TEX52: variants seen among roughly 807,000 people sequenced by gnomAD.
The protein encoded by TEX52 is testis expressed 52, also known as testis-expressed protein 52.
Under a neutral mutation model 17.6 loss-of-function variants are expected in TEX52, and 22 were observed. The ratio of observed to expected loss-of-function variants is 1.25; its 90% confidence interval spans 0.89 to 1.78. The LOEUF (loss-of-function observed/expected upper bound fraction) is 1.78, where lower values mean the gene tolerates loss of function less well. Ranked by LOEUF, TEX52 falls within the 40% of genes most tolerant of loss-of-function variation. TEX52 has a pLI of 0.00. For synonymous variants in TEX52, 168 were observed against 147.4 expected (o/e 1.14, Z -1.01); for missense variants, 396 against 372.3 (o/e 1.06, Z -0.52).
intron 1 of TEX52, 141 bp downstream of exon 1, chr12:2,856,812 CAT>C (rs1278277215): frequency 1.6e-6 from 1 of 635,074 alleles, no homozygotes; most frequent in Non-Finnish European, 2.8e-6. Flanking sequence ...TTCCTAGTGT[CAT>C]AGGATGAAAA....
intron 2 of TEX52, among the ~76,000 whole-genome samples, chr12:2,854,602 C>T (rs1363242641): frequency 1.3e-5 from 2 of 152,176 alleles, no homozygotes; most frequent in African/African-American, 4.8e-5. Flanking sequence ...TGATAGCTAT[C>T]TTTGCAAAGC....
At chr12:2,852,977 G>A (rs2098075805) in intron 2 of TEX52, among the ~76,000 whole-genome samples, 1 of 151,652 alleles carries the variant, frequency 6.6e-6, no homozygotes, top group African/African-American at 2.4e-5. Context: ...TCTAGCATGG[G>A]CAACAGAGGA....
chr12:2,849,675 C>A, intron 2 of TEX52, 150 bp from the exon 3 acceptor site: 2 of 871,130 alleles, frequency 2.3e-6, no homozygotes, highest in Non-Finnish European at 3.5e-6. Context: ...TCCACCTAAT[C>A]GGATATTGAC....
intron 2 of TEX52, among the ~76,000 whole-genome samples, chr12:2,853,782 C>T (rs1465105312): frequency 1.3e-5 from 2 of 152,076 alleles, no homozygotes; most frequent in Non-Finnish European, 2.9e-5. Flanking sequence ...TCCGTGAGTT[C>T]CCAGGGTGGC....
At chr12:2,856,859 T>C (rs1019974501) in intron 1 of TEX52, 96 bp downstream of exon 1, 2 of 689,014 alleles carry the variant, frequency 2.9e-6, no homozygotes, top group Non-Finnish European at 5.3e-6. Flanking sequence ...GGCCAGGCAG[T>C]CTGCTGCCCA....
downstream of TEX52, among the ~76,000 whole-genome samples, chr12:2,848,866 G>GACACACACGC (rs1565446522): frequency 4.3e-5 from 5 of 115,874 alleles, no homozygotes; most frequent in African/African-American, 1.7e-4. Flanking sequence ...CACCCCAACA[G>GACACACACGC]ACACACACAC....
At chr12:2,856,614 C>T (rs928692091) in intron 1 of TEX52, among the ~76,000 whole-genome samples, 1 of 152,182 alleles carries the variant, frequency 6.6e-6, no homozygotes, top group Non-Finnish European at 1.5e-5. Context: ...CCGTTCCCCT[C>T]GACCTCCCGA....
rs529192168 is a variant in TEX52, at chr12:2,850,387, T to C, written c.624-862A>G. ...TACTCGGGAGGCTGAGGCAGGAGAATCACTTGAACCCGGGAGGAGGAGGTT... is the reference window on the plus strand; with the variant it reads ...TACTCGGGAGGCTGAGGCAGGAGAACCACTTGAACCCGGGAGGAGGAGGTT... On this transcript the variant is annotated intron_variant, in intron 2 of 2. Transcript: ENST00000637658. 2.0e-5 allele frequency among the ~76,000 whole-genome samples: 3 copies of C among 146,938 alleles called. No individual in the cohort carries two copies. In the East Asian group the frequency reaches 6.2e-4, roughly 30 times the overall value.
Position 2,855,545 on chromosome 12 carries a change from C to A in TEX52, c.73-99G>T, listed in dbSNP as rs897890825. The A allele has an allele frequency of 5.4e-6, 5 of 933,396 alleles. No homozygotes were observed. The Admixed American group carries it at 1.7e-4, about 31-fold the overall frequency. 57.8% of individuals were successfully genotyped at this position (933,396 alleles called of 1,614,324 possible). A position where few individuals can be genotyped will look rare whatever the true frequency, so the allele number is the denominator to read the frequency against. On this transcript the variant is annotated intron_variant, in intron 1 of 2. Coordinates refer to ENST00000637658, the MANE Select transcript of TEX52 (RefSeq NM_001365174.2). ...CTCTCCTTCCCAGGCACGACCTCTG[C>A]CAGCCCAGGATTCTCATGAGGACGC...
chr12:2,854,733 T>C (rs1039802715), intron 2 of TEX52, among the ~76,000 whole-genome samples, 163 bp downstream of exon 2: 6 of 152,102 alleles, frequency 3.9e-5, no homozygotes, highest in African/African-American at 1.4e-4. Context: ...GTTCCTCCCT[T>C]GTCTCCACCT....
At chr12:2,853,684 G>A (rs1012286998) in intron 2 of TEX52, among the ~76,000 whole-genome samples, 3 of 151,524 alleles carry the variant, frequency 2.0e-5, no homozygotes, top group Admixed American at 6.6e-5. Flanking sequence ...CCTTGGGATT[G>A]GAATTTGAGA....
At chr12:2,852,683 G>T (rs910614736) in intron 2 of TEX52, among the ~76,000 whole-genome samples, 3 of 152,074 alleles carry the variant, frequency 2.0e-5, no homozygotes, top group African/African-American at 7.2e-5. Context: ...TACTTGACCT[G>T]TCCAGCTCAG....
At position 2,855,373 on chromosome 12, in the gene TEX52, G is replaced by A; in HGVS notation, c.146C>T (p.Ser49Phe). Residue 49 changes from serine (S) to phenylalanine (F), a missense_variant, in exon 2 of 3, where the codon TCC becomes TTC. Transcript: ENST00000637658. ...CCGGGTGAAGCCAGGGAACTCCCAG[G>A]ACTCGCTGGGGAGGAAGAACTCACG... is the stretch of plus-strand genomic sequence containing the variant. ...AQREFFLPSE[S>F]WEFPGFTRQA... 4 of 1,278,868 alleles carry A rather than the reference G, an allele frequency of 3.1e-6. No individual in the cohort carries two copies. The highest frequency in any genetic ancestry group is 4.1e-6 in the Non-Finnish European group (4 of 984,046). The allele number at this position is 1,278,868 out of a possible 1,614,324, so 79.2% of individuals were successfully genotyped here. A position where few individuals can be genotyped will look rare whatever the true frequency, so the allele number is the denominator to read the frequency against.
At chr12:2,856,287 T>A (rs1457919644) in intron 1 of TEX52, among the ~76,000 whole-genome samples, 5 of 152,210 alleles carry the variant, frequency 3.3e-5, no homozygotes, top group African/African-American at 1.2e-4. Context: ...TGAAATGAAA[T>A]GGCCTTACTT....
At position 2,849,144 on chromosome 12, in the gene TEX52, C is replaced by G; in HGVS notation, c.*87G>C. 1 of 1,387,712 alleles carries G rather than the reference C, an allele frequency of 7.2e-7. No homozygotes were observed. Among genetic ancestry groups the G allele is most frequent in the East Asian group, 2.5e-5 (1 of 40,002 alleles). The allele number at this position is 1,387,712 out of a possible 1,614,324, so 86.0% of individuals were successfully genotyped here. ...GCAGAAGCCAGAGTCCTTTTGCTACCCCAGGGCCTCTTGCTGAAGGAGCAT... is the reference window on the plus strand; with the variant it reads ...GCAGAAGCCAGAGTCCTTTTGCTACGCCAGGGCCTCTTGCTGAAGGAGCAT... On this transcript the variant is annotated 3_prime_UTR_variant, in exon 3 of 3. Transcript: ENST00000637658.
At chr12:2,856,844 G>T in intron 1 of TEX52, 111 bp downstream of exon 1, 1 of 672,368 alleles carries the variant, frequency 1.5e-6, no homozygotes. Context: ...AGCAGAAAAT[G>T]TATGGGCCAG....
At chr12:2,855,589 G>C in intron 1 of TEX52, 143 bp from the exon 2 acceptor site, 1 of 553,460 alleles carries the variant, frequency 1.8e-6, no homozygotes, top group East Asian at 3.2e-5. Context: ...TGGCAGGGCC[G>C]CATCTCCATC....
At chr12:2,851,618 C>T (rs1459931152) in intron 2 of TEX52, among the ~76,000 whole-genome samples, 1 of 152,164 alleles carries the variant, frequency 6.6e-6, no homozygotes, top group East Asian at 1.9e-4. Flanking sequence ...GTTGGGATTA[C>T]AGGCGTGAGC....
Position 2,849,108 on chromosome 12 carries a change from G to C in TEX52, c.*123C>G. On this transcript the variant is annotated 3_prime_UTR_variant, in exon 3 of 3. Transcript: ENST00000637658. ...GGCTTGAGGCTGGGAGGATGGTGGA[G>C]AGGCTGTTCTGCAGAAGCCAGAGTC... 1 of 992,670 alleles carries C rather than the reference G, an allele frequency of 1.0e-6. No individual in the cohort carries two copies. Among genetic ancestry groups the C allele is most frequent in the African/African-American group, 1.6e-5 (1 of 61,070 alleles). 61.5% of individuals were successfully genotyped at this position (992,670 alleles called of 1,614,324 possible). A position where few individuals can be genotyped will look rare whatever the true frequency, so the allele number is the denominator to read the frequency against.
Sources: allele counts gnomAD v4.1 joint callset (sites outside exome capture counted in the v4.1 genomes callset), GRCh38; gene constraint gnomAD v4.1.1; transcripts MANE v1.5; gene names NCBI Gene and HGNC (gene_info 2026-07-23, HGNC 2026-07-21).